The following TM9SF3 variants were observed in gnomAD, a reference collection of about 807,000 sequenced individuals.
TM9SF3 encodes the protein SM-11044-binding protein.
A neutral mutation model predicts 78.6 loss-of-function variants in TM9SF3; 14 were observed. The observed-to-expected ratio is 0.18, with a 90% CI of 0.12 to 0.28. TM9SF3 has a LOEUF of 0.28. TM9SF3 is among the 10% of genes least tolerant of loss of function. TM9SF3 has a pLI of 1.00. For synonymous variants in TM9SF3, 231 were observed against 241.7 expected (o/e 0.96, Z 0.41); for missense variants, 496 against 721.9 (o/e 0.69, Z 3.59).
intron 14 of TM9SF3, among the ~76,000 whole-genome samples, chr10:96,523,666 A>G (rs951358833): frequency 2.0e-5 from 3 of 151,910 alleles, no homozygotes; most frequent in Non-Finnish European, 2.9e-5. Context: ...GAGTATGATC[A>G]AGCCTACAGA....
At chr10:96,554,177 T>C (rs986610674) in intron 5 of TM9SF3, among the ~76,000 whole-genome samples, 1 of 152,218 alleles carries the variant, frequency 6.6e-6, no homozygotes, top group Non-Finnish European at 1.5e-5. Context: ...GCAAATAGTA[T>C]AGTGCCTGGC....
At chr10:96,565,797 A>G (rs1352093395) in intron 2 of TM9SF3, among the ~76,000 whole-genome samples, 3 of 152,204 alleles carry the variant, frequency 2.0e-5, no homozygotes, top group African/African-American at 7.2e-5. Context: ...AAAGCTCAAG[A>G]ATATGGTCAT....
At chr10:96,576,567 G>A in intron 2 of TM9SF3, 67 bp downstream of exon 2, 1 of 1,413,404 alleles carries the variant, frequency 7.1e-7, no homozygotes, top group Non-Finnish European at 9.5e-7. Context: ...AGTGTCAATA[G>A]TGCCAAAATA....
chr10:96,560,902 G>A, intron 4 of TM9SF3: 1 of 523,002 alleles, frequency 1.9e-6, no homozygotes, highest in Non-Finnish European at 3.7e-6. Flanking sequence ...AAAAATGCAA[G>A]CAAGTATACA....
At chr10:96,576,895 T>C (rs1312704747) in intron 1 of TM9SF3, 66 bp from the exon 2 acceptor site, 2 of 1,335,214 alleles carry the variant, frequency 1.5e-6, no homozygotes, top group Non-Finnish European at 9.9e-7. Context: ...AAGGGAATAT[T>C]TGTTGTGTGT....
intron 4 of TM9SF3, chr10:96,560,165 TA>T: frequency 1.2e-6 from 1 of 821,646 alleles, no homozygotes; most frequent in Non-Finnish European, 2.1e-6. Flanking sequence ...CTTTCCCACC[TA>T]AATGCGTGCT....
intron 10 of TM9SF3, 25 bp downstream of exon 10, chr10:96,533,026 G>A (rs372458773): frequency 1.2e-5 from 20 of 1,611,996 alleles, no homozygotes; most frequent in Non-Finnish European, 1.6e-5. Context: ...TGAAACAATC[G>A]CATAAGATTT....
chr10:96,538,362 A>G (rs1381467980), intron 9 of TM9SF3, among the ~76,000 whole-genome samples: 5 of 152,166 alleles, frequency 3.3e-5, no homozygotes, highest in Non-Finnish European at 7.4e-5. Context: ...CCCTTAACTC[A>G]TACTATATAT....
At position 96,518,902 on chromosome 10, in the gene TM9SF3, G is replaced by C. The variant is rs1464262081; in HGVS notation, c.*3361C>G. The C allele has an allele frequency of 6.6e-6, 1 of 151,952 alleles. No individual in the cohort carries two copies. The highest frequency in any genetic ancestry group is 1.5e-5 in the Non-Finnish European group (1 of 67,922). The allele number at this position is 151,952 out of a possible 1,614,324, so 9.4% of individuals were successfully genotyped here. A position where few individuals can be genotyped will look rare whatever the true frequency, so the allele number is the denominator to read the frequency against. The stretch of plus-strand genomic sequence containing the variant: ...AGATATAAAACATTAATGAATACTT[G>C]TGTTTTAATACATCACTACTCCTAT... On this transcript the variant is annotated 3_prime_UTR_variant, in exon 15 of 15. Coordinates refer to ENST00000371142, the MANE Select transcript of TM9SF3 (RefSeq NM_020123.4).
At chr10:96,576,057 C>T (rs137911970) in intron 2 of TM9SF3, among the ~76,000 whole-genome samples, 2,073 of 152,252 alleles carry the variant, frequency 0.014, 34 homozygotes, top group African/African-American at 0.044. Flanking sequence ...TAATACAACA[C>T]TGATAAATAA....
At chr10:96,571,121 A>G (rs138604860) in intron 2 of TM9SF3, among the ~76,000 whole-genome samples, 53 of 152,322 alleles carry the variant, frequency 3.5e-4, no homozygotes, top group African/African-American at 1.2e-3. Flanking sequence ...AGGAGAAAAC[A>G]TAACAGGAGA....
In TM9SF3 at chr10:96,528,028, T is replaced by C; in HGVS notation, c.1541+3A>G. 1 of 1,608,158 alleles carries C rather than the reference T, an allele frequency of 6.2e-7. No homozygotes were observed. The highest frequency in any genetic ancestry group is 8.5e-7 in the Non-Finnish European group (1 of 1,177,076). On this transcript the variant is annotated splice_donor_region_variant and intron_variant, in intron 12 of 14. Transcript: ENST00000371142. Reference sequence around the variant, plus strand: ...AAATTTCTATCCACAAATAGGTACTTACCACCGGTAATCTTCTGCATTTAG... The same window carrying C: ...AAATTTCTATCCACAAATAGGTACTCACCACCGGTAATCTTCTGCATTTAG...
chr10:96,559,537 C>A, intron 5 of TM9SF3, 122 bp downstream of exon 5: 1 of 592,962 alleles, frequency 1.7e-6, no homozygotes, highest in South Asian at 5.0e-5. Context: ...CTTTAAATCA[C>A]CATTAGCTAA....
intron 9 of TM9SF3, among the ~76,000 whole-genome samples, chr10:96,542,478 T>G (rs191721910): frequency 1.4e-4 from 21 of 152,276 alleles, no homozygotes; most frequent in African/African-American, 5.1e-4. Flanking sequence ...ACACTGAATA[T>G]TAACATTTAA....
chr10:96,552,309 G>A (rs559676312), intron 6 of TM9SF3, among the ~76,000 whole-genome samples: 8 of 152,144 alleles, frequency 5.3e-5, no homozygotes, highest in African/African-American at 1.9e-4. Flanking sequence ...AATAGCCAGG[G>A]GTGGGGGCTT....
intron 5 of TM9SF3, among the ~76,000 whole-genome samples, chr10:96,558,290 G>A (rs530161727): frequency 1.4e-5 from 2 of 146,212 alleles, no homozygotes; most frequent in Non-Finnish European, 1.5e-5. Flanking sequence ...GGGTTGAGGT[G>A]GGGATTGAGG....
rs571270129 is a variant in TM9SF3 at position 96,521,073 on chromosome 10, T to C, written c.*1190A>G. The C allele has an allele frequency of 3.8e-5, 15 of 390,072 alleles. No individual in the cohort carries two copies. The South Asian group carries it at 1.8e-3, about 48-fold the overall frequency. 24.2% of individuals were successfully genotyped at this position (390,072 alleles called of 1,614,324 possible). ...CCCAGACAGGATTAACAAAATTAAGTGTCTCTAAATTACAAATTTGGCTCC... is the reference window on the plus strand; with the variant it reads ...CCCAGACAGGATTAACAAAATTAAGCGTCTCTAAATTACAAATTTGGCTCC... On this transcript the variant is annotated 3_prime_UTR_variant, in exon 15 of 15. Transcript: ENST00000371142.
intron 2 of TM9SF3, among the ~76,000 whole-genome samples, chr10:96,575,299 A>C (rs866829474): frequency 1.1e-4 from 16 of 152,190 alleles, no homozygotes. Context: ...TTTCTAGTTT[A>C]AGTTTTCTTG....
At chr10:96,561,215 T>C (rs374033320) in intron 4 of TM9SF3, among the ~76,000 whole-genome samples, 1 of 151,802 alleles carries the variant, frequency 6.6e-6, no homozygotes, top group East Asian at 1.9e-4. Flanking sequence ...ATCACCTTCG[T>C]ATCTCCTTAG....
Sources: allele counts gnomAD v4.1 joint callset (sites outside exome capture counted in the v4.1 genomes callset), GRCh38; gene constraint gnomAD v4.1.1; transcripts MANE v1.5; gene names NCBI Gene and HGNC (gene_info 2026-07-23, HGNC 2026-07-21).